The following DDX4 variants were observed in gnomAD, a reference collection of about 807,000 sequenced individuals.
The protein encoded by DDX4 is probable ATP-dependent RNA helicase DDX4.
In DDX4, 25 loss-of-function variants were observed where a neutral mutation model predicts 100.0. The observed-to-expected ratio is 0.25, with a 90% confidence interval of 0.18 to 0.35. The LOEUF (loss-of-function observed/expected upper bound fraction) is 0.35, where lower values mean the gene tolerates loss of function less well. Ranked by LOEUF, DDX4 falls within the 10% of genes least tolerant of loss-of-function variation. The pLI, the probability that DDX4 is intolerant of heterozygous loss-of-function variation, is 1.00. For missense variants in DDX4, 635 were observed against 882.4 expected (o/e 0.72, Z 3.55); for synonymous variants, 259 against 275.7 (o/e 0.94, Z 0.60).
At chr5:55,766,801 C>T (rs528423840) in intron 6 of DDX4, 217 of 1,083,520 alleles carry the variant, frequency 2.0e-4, no homozygotes, top group Non-Finnish European at 2.7e-4. Context: ...ACAAAGATCC[C>T]TTGAAACCAT....
intron 9 of DDX4, 79 bp from the exon 10 acceptor site, chr5:55,781,855 A>G: frequency 6.7e-7 from 1 of 1,495,142 alleles, no homozygotes; most frequent in Non-Finnish European, 9.3e-7. Flanking sequence ...ACTTTGTTGA[A>G]TAGAAATAAC....
intron 14 of DDX4, among the ~76,000 whole-genome samples, chr5:55,787,385 C>G (rs1742308912): frequency 6.6e-6 from 1 of 152,128 alleles, no homozygotes; most frequent in Non-Finnish European, 1.5e-5. Flanking sequence ...GATGTAACTT[C>G]AATAAGGGTA....
At chr5:55,767,303 T>C (rs1404512045) in intron 6 of DDX4, among the ~76,000 whole-genome samples, 1 of 152,126 alleles carries the variant, frequency 6.6e-6, no homozygotes, top group African/African-American at 2.4e-5. Flanking sequence ...TAGCCAGGCA[T>C]GGTGGCGCAT....
intron 3 of DDX4, among the ~76,000 whole-genome samples, chr5:55,754,207 A>C (rs962858820): frequency 6.6e-6 from 1 of 150,632 alleles, no homozygotes; most frequent in Non-Finnish European, 1.5e-5. Context: ...TTCCAACACT[A>C]TGTTGAATAG....
Position 55,814,979 on chromosome 5 carries a change from A to G in DDX4, c.1794A>G (p.Ser598=), listed in dbSNP as rs570766862. 95 of 1,614,152 alleles carry G rather than the reference A, an allele frequency of 5.9e-5. No individual in the cohort carries two copies. The highest frequency in any genetic ancestry group is 7.6e-5 in the Non-Finnish European group (90 of 1,179,974). ...AGTGCCCAGTTCTTGTTGCTACTTC[A>G]GTAGCTGCCAGAGGGCTGGATATTG... ...FGKCPVLVAT[S]VAARGLDIEN... Residue 598 remains serine (S), a synonymous_variant, in exon 20 of 22, where the codon TCA becomes TCG. Transcript: ENST00000505374.
intron 16 of DDX4, 109 bp from the exon 17 acceptor site, chr5:55,792,532 T>A: frequency 1.7e-6 from 1 of 583,310 alleles, no homozygotes; most frequent in Non-Finnish European, 2.5e-6. Context: ...GCTAATTTTT[T>A]GTATTTTTTT....
chr5:55,742,017 C>A, intron 2 of DDX4: 1 of 367,010 alleles, frequency 2.7e-6, no homozygotes, highest in Non-Finnish European at 5.6e-6. Context: ...TTGACATACG[C>A]TTATATAATT....
intron 18 of DDX4, among the ~76,000 whole-genome samples, chr5:55,800,479 A>G (rs146224188): frequency 9.2e-5 from 14 of 152,176 alleles, no homozygotes; most frequent in African/African-American, 3.4e-4. Context: ...ACGTGCCACC[A>G]TACCCGGCTA....
intron 2 of DDX4, among the ~76,000 whole-genome samples, chr5:55,745,531 C>T (rs1057443098): frequency 6.6e-6 from 1 of 152,040 alleles, no homozygotes; most frequent in Non-Finnish European, 1.5e-5. Context: ...AAGTGAACCT[C>T]CCATCTCAGC....
intron 6 of DDX4, chr5:55,766,990 A>G (rs777351847): frequency 2.8e-5 from 43 of 1,531,724 alleles, no homozygotes; most frequent in Middle Eastern, 3.4e-4. Context: ...AGCCTTCAGT[A>G]TAGTAATCTC....
In DDX4 at chr5:55,797,645, T is replaced by C. The variant is rs1490968936; in HGVS notation, c.1470-781T>C. Among the ~76,000 whole-genome samples the C allele has an allele frequency of 3.3e-5, 5 of 152,158 alleles. No homozygotes were observed. In the East Asian group the frequency reaches 7.7e-4, roughly 23 times the overall value. On this transcript the variant is annotated intron_variant, in intron 17 of 21. Transcript: ENST00000505374. ...GACTGCTACATAGGAGGGAGAGGCATTGAAGAGAGATTTGGGCCTCCCCAT... is the reference window on the plus strand; with the variant it reads ...GACTGCTACATAGGAGGGAGAGGCACTGAAGAGAGATTTGGGCCTCCCCAT...
Position 55,758,868 on chromosome 5 carries a change from TAAAAAAAAA to T in DDX4, c.128-1310_128-1302del, listed in dbSNP as rs35392036. On this transcript the variant is annotated intron_variant, in intron 3 of 21. Transcript: ENST00000505374. ...AGCTGCTGTATTACGTTTGTTTCCT[TAAAAAAAAA>T]AAAAAAAAAAAAAAAAAAAAAGAGG... is the stretch of plus-strand genomic sequence containing the variant. 2.1e-3 allele frequency among the ~76,000 whole-genome samples: 145 copies of T among 70,324 alleles called. 1 individual carries two copies. Among genetic ancestry groups the T allele is most frequent in the East Asian group, 0.018 (52 of 2,858 alleles). 46.1% of individuals were successfully genotyped at this position (70,324 alleles called of 152,430 possible).
intron 7 of DDX4, among the ~76,000 whole-genome samples, chr5:55,768,649 T>C (rs1561491786): frequency 6.6e-6 from 1 of 152,314 alleles, no homozygotes; most frequent in Middle Eastern, 3.4e-3. Flanking sequence ...TACCTAATTA[T>C]GGGATTGCTG....
Position 55,803,977 on chromosome 5 carries a change from G to A in DDX4, c.1615+5406G>A, listed in dbSNP as rs541313727. ...TTCCTATTTCTCCACATCCTCTCCA[G>A]CACCTGTTGTTTCCTGACTTTTGAA... On this transcript the variant is annotated intron_variant, in intron 18 of 21. Transcript: ENST00000505374. 7.8e-3 allele frequency among the ~76,000 whole-genome samples: 1,180 copies of A among 151,506 alleles called. 13 individuals carry two copies. The highest frequency in any genetic ancestry group is 0.026 in the African/African-American group (1,076 of 41,168).
intron 18 of DDX4, among the ~76,000 whole-genome samples, chr5:55,801,834 A>G (rs956207476): frequency 2.0e-5 from 3 of 152,234 alleles, no homozygotes; most frequent in Non-Finnish European, 4.4e-5. Flanking sequence ...TCTAAGGGAT[A>G]GGAAACTAAG....
intron 6 of DDX4, among the ~76,000 whole-genome samples, chr5:55,766,013 T>G (rs1580541542): frequency 6.6e-6 from 1 of 151,024 alleles, no homozygotes; most frequent in East Asian, 1.9e-4. Flanking sequence ...GAGACGGGGT[T>G]TCGTCACGTT....
chr5:55,753,469 A>G (rs1190202450), intron 3 of DDX4, among the ~76,000 whole-genome samples: 1 of 152,170 alleles, frequency 6.6e-6, no homozygotes, highest in East Asian at 1.9e-4. Flanking sequence ...TTTGTCAAAG[A>G]TCAGATAGTT....
At chr5:55,802,542 G>A (rs1413784340) in intron 18 of DDX4, among the ~76,000 whole-genome samples, 4 of 152,140 alleles carry the variant, frequency 2.6e-5, no homozygotes, top group Non-Finnish European at 5.9e-5. Context: ...TTTCTAGAAG[G>A]ACTAGTCCTG....
intron 18 of DDX4, among the ~76,000 whole-genome samples, chr5:55,804,235 T>C (rs1421014032): frequency 3.9e-5 from 6 of 152,148 alleles, no homozygotes; most frequent in Non-Finnish European, 7.4e-5. Context: ...CTTTGTCAGA[T>C]GAGTAGGTTG....
Sources: allele counts gnomAD v4.1 joint callset (sites outside exome capture counted in the v4.1 genomes callset), GRCh38; gene constraint gnomAD v4.1.1; transcripts MANE v1.5; gene names NCBI Gene and HGNC (gene_info 2026-07-23, HGNC 2026-07-21).